RAB5C: variants seen among roughly 807,000 people sequenced by gnomAD.
RAB5C encodes ras-related protein Rab-5C.
RAB5C carries 4 observed loss-of-function variants against 25.2 expected under a neutral mutation model. That is an observed-to-expected ratio of 0.16 (90% CI 0.08 to 0.36). The LOEUF (loss-of-function observed/expected upper bound fraction) is 0.36, where lower values mean the gene tolerates loss of function less well. Among genes scored for constraint, RAB5C ranks in the 10% least tolerant of loss-of-function variants. The probability of loss-of-function intolerance (pLI) is 1.00; values close to 1 mark genes in which losing one functional copy is unlikely to be tolerated. For synonymous variants in RAB5C, 100 were observed against 106.4 expected (o/e 0.94, Z 0.37); for missense variants, 199 against 283.8 (o/e 0.70, Z 2.15).
chr17:42,137,938 G>A (rs1158690094), intron 1 of RAB5C: 3 of 151,334 alleles, frequency 2.0e-5, no homozygotes, highest in East Asian at 1.9e-4. Flanking sequence ...AAAGACCAAC[G>A]GAGAACAAAG....
At chr17:42,151,739 G>A (rs976672487) in intron 1 of RAB5C, among the ~76,000 whole-genome samples, 3 of 152,114 alleles carry the variant, frequency 2.0e-5, no homozygotes, top group East Asian at 1.9e-4. Flanking sequence ...ACATGTAGAT[G>A]TCAGCAAACT....
chr17:42,144,792 T>C (rs914874056), intron 1 of RAB5C, among the ~76,000 whole-genome samples: 1 of 151,862 alleles, frequency 6.6e-6, no homozygotes, highest in African/African-American at 2.4e-5. Context: ...CTGGGCGTGG[T>C]GGCGGGCGCC....
At chr17:42,128,901 T>A in intron 2 of RAB5C, 101 bp from the exon 3 acceptor site, 1 of 1,092,992 alleles carries the variant, frequency 9.1e-7, no homozygotes, top group Non-Finnish European at 1.2e-6. Flanking sequence ...AGCCCACCAC[T>A]GAGATGGGCA....
chr17:42,133,142 A>G (rs2054503052), intron 1 of RAB5C, among the ~76,000 whole-genome samples: 1 of 152,250 alleles, frequency 6.6e-6, no homozygotes, highest in Admixed American at 6.5e-5. Flanking sequence ...GCCCAGAGCC[A>G]GGCAGGGCGA....
Position 42,130,505 on chromosome 17 carries a change from C to A in RAB5C, c.-3G>T. 1 of 1,613,958 alleles carries A rather than the reference C, an allele frequency of 6.2e-7. No individual in the cohort carries two copies. Among genetic ancestry groups the A allele is most frequent in the Non-Finnish European group, 8.5e-7 (1 of 1,180,000 alleles). On this transcript the variant is annotated 5_prime_UTR_variant, in exon 2 of 6. Transcript: ENST00000346213. The stretch of plus-strand genomic sequence containing the variant: ...GCTGCGCCTCCCCGACCCGCCATTG[C>A]CCGTCCAGCTGTAGTGGTCCAGAGA...
In RAB5C at chr17:42,125,776, G is replaced by T; in HGVS notation, c.*7C>A. ...GGAGGCGGGGGCAGCGGGCAGGCAA[G>T]GGGGGCTCAGTTGCTGCAGCACTGG... On this transcript the variant is annotated 3_prime_UTR_variant, in exon 6 of 6. Transcript: ENST00000346213. The T allele has an allele frequency of 6.3e-7, 1 of 1,589,812 alleles. No homozygotes were observed. Among genetic ancestry groups the T allele is most frequent in the Non-Finnish European group, 8.6e-7 (1 of 1,167,982 alleles).
chr17:42,143,464 T>A (rs1006751475), intron 1 of RAB5C, among the ~76,000 whole-genome samples: 1 of 152,060 alleles, frequency 6.6e-6, no homozygotes, highest in African/African-American at 2.4e-5. Flanking sequence ...TGGTGAAACC[T>A]CGTTGCTACT....
intron 1 of RAB5C, among the ~76,000 whole-genome samples, chr17:42,132,021 A>G (rs931230018): frequency 2.6e-5 from 4 of 152,204 alleles, no homozygotes; most frequent in Admixed American, 6.5e-5. Flanking sequence ...GATCCCAGGG[A>G]GAGCCCCGAT....
chr17:42,134,718 T>C (rs547104829), intron 1 of RAB5C, among the ~76,000 whole-genome samples: 2 of 152,284 alleles, frequency 1.3e-5, no homozygotes, highest in South Asian at 4.1e-4. Flanking sequence ...CAAGCACCAG[T>C]CCCAACCTCA....
At chr17:42,132,241 G>A (rs2054493223) in intron 1 of RAB5C, among the ~76,000 whole-genome samples, 1 of 152,182 alleles carries the variant, frequency 6.6e-6, no homozygotes, top group Non-Finnish European at 1.5e-5. Context: ...TGATTCACTA[G>A]CCAGAAACAA....
rs925280473 is a variant in RAB5C at position 42,149,876 on chromosome 17, G to GTTTTTT, written c.-89+5011_-89+5016dup. Among the ~76,000 whole-genome samples, 73 of 121,160 alleles carry GTTTTTT rather than the reference G, an allele frequency of 6.0e-4. 1 individual carries two copies. The highest frequency in any genetic ancestry group is 8.1e-4 in the Non-Finnish European group (48 of 59,152). The allele number at this position is 121,160 out of a possible 152,430, so 79.5% of individuals were successfully genotyped here. On this transcript the variant is annotated intron_variant, in intron 1 of 5. Coordinates refer to ENST00000346213, the MANE Select transcript of RAB5C (RefSeq NM_004583.4). ...GGGTCTCATTATGTTGCCCAGGCTG[G>GTTTTTT]TTTTTTTTTTTTTTTTTTTTGAGAT...
rs531662084 is a variant in RAB5C, at chr17:42,148,596, A to T, written c.-89+6297T>A. ...CCCTAAAGGGCTCACCCACCAGAGA[A>T]TGAGGCAAATAAGGAACAATGAGAT... is the stretch of plus-strand genomic sequence containing the variant. On this transcript the variant is annotated intron_variant, in intron 1 of 5. Coordinates refer to ENST00000346213, the MANE Select transcript of RAB5C (RefSeq NM_004583.4). Among the ~76,000 whole-genome samples, 7 of 152,298 alleles carry T rather than the reference A, an allele frequency of 4.6e-5. No homozygotes were observed. In the South Asian group the frequency reaches 1.5e-3, roughly 32 times the overall value.
chr17:42,151,663 G>A (rs2079672565), intron 1 of RAB5C, among the ~76,000 whole-genome samples: 1 of 152,140 alleles, frequency 6.6e-6, no homozygotes, highest in Non-Finnish European at 1.5e-5. Flanking sequence ...TGGGACCCCT[G>A]AGTTTACTCA....
At chr17:42,129,412 T>C (rs867333654) in intron 2 of RAB5C, among the ~76,000 whole-genome samples, 21 of 152,320 alleles carry the variant, frequency 1.4e-4, no homozygotes, top group African/African-American at 4.6e-4. Context: ...TGTTCCTGTA[T>C]GGCCACCCTG....
At chr17:42,142,598 C>T (rs915932848) in intron 1 of RAB5C, among the ~76,000 whole-genome samples, 5 of 152,204 alleles carry the variant, frequency 3.3e-5, no homozygotes, top group African/African-American at 9.7e-5. Flanking sequence ...CCCACGCCCT[C>T]CTCCATGCCT....
intron 1 of RAB5C, among the ~76,000 whole-genome samples, chr17:42,148,506 C>T (rs778616039): frequency 2.6e-4 from 39 of 151,998 alleles, no homozygotes; most frequent in Non-Finnish European, 4.3e-4. Context: ...CAGTAGGGAG[C>T]CTACTATGCT....
intron 1 of RAB5C, among the ~76,000 whole-genome samples, chr17:42,143,785 T>G (rs1391137019): frequency 6.6e-6 from 1 of 152,142 alleles, no homozygotes; most frequent in Admixed American, 6.5e-5. Flanking sequence ...AACATTGGAT[T>G]ATTTATTTAT....
chr17:42,145,340 G>A (rs1370502807), intron 1 of RAB5C, among the ~76,000 whole-genome samples: 1 of 152,186 alleles, frequency 6.6e-6, no homozygotes, highest in Non-Finnish European at 1.5e-5. Context: ...CAACTTTACA[G>A]AGAAGCCTCA....
chr17:42,149,828 ATT>A (rs1323498323), intron 1 of RAB5C, among the ~76,000 whole-genome samples: 1 of 146,262 alleles, frequency 6.8e-6, no homozygotes, highest in Admixed American at 6.8e-5. Context: ...CCCAGCAGAC[ATT>A]TTGTTTTTGT....
Sources: allele counts gnomAD v4.1 joint callset (sites outside exome capture counted in the v4.1 genomes callset), GRCh38; gene constraint gnomAD v4.1.1; transcripts MANE v1.5; gene names NCBI Gene and HGNC (gene_info 2026-07-23, HGNC 2026-07-21).